IDE: variants seen among roughly 807,000 people sequenced by gnomAD.
IDE encodes insulin-degrading enzyme.
IDE carries 58 observed loss-of-function variants against 133.2 expected under a neutral mutation model. That is an observed-to-expected ratio of 0.44 (90% CI 0.35 to 0.54). The LOEUF is 0.54. Among genes scored for constraint, IDE ranks in the 20% least tolerant of loss-of-function variants. IDE has a pLI of 0.00. For missense variants in IDE, 981 were observed against 1,234.0 expected (o/e 0.79, Z 3.07); for synonymous variants, 396 against 421.3 (o/e 0.94, Z 0.73).
intron 14 of IDE, among the ~76,000 whole-genome samples, chr10:92,480,162 CCT>C: frequency 6.6e-6 from 1 of 152,210 alleles, no homozygotes; most frequent in East Asian, 1.9e-4. Flanking sequence ...CTTCAGGTCC[CCT>C]GAGTTCGTGG....
chr10:92,566,405 T>TCACA (rs1377015950), intron 1 of IDE, among the ~76,000 whole-genome samples: 1 of 143,196 alleles, frequency 7.0e-6, no homozygotes, highest in African/African-American at 2.7e-5. Flanking sequence ...TCTCTCTCTC[T>TCACA]CTCTCTCTCA....
chr10:92,503,938 G>A (rs1016461947), intron 11 of IDE, among the ~76,000 whole-genome samples: 4 of 151,862 alleles, frequency 2.6e-5, no homozygotes, highest in Non-Finnish European at 4.4e-5. Flanking sequence ...GGCTGGTCTC[G>A]AACTCCCGAC....
At chr10:92,539,601 T>A (rs1350605693) in intron 1 of IDE, among the ~76,000 whole-genome samples, 1 of 151,792 alleles carries the variant, frequency 6.6e-6, no homozygotes, top group Non-Finnish European at 1.5e-5. Context: ...CTGTCTCTAC[T>A]AAAAATACAA....
intron 1 of IDE, among the ~76,000 whole-genome samples, chr10:92,545,706 G>C (rs535743977): frequency 6.6e-6 from 1 of 152,156 alleles, no homozygotes; most frequent in Non-Finnish European, 1.5e-5. Context: ...AGTCCCAGGA[G>C]GTCCCAAATT....
Position 92,507,611 on chromosome 10 carries a change from T to C in IDE, c.1209A>G (p.Ala403=). ...HMFQYIQKLR[A]EGPQEWVFQE... is the part of the protein sequence containing the mutation. ...GGAAAACCCATTCTTGAGGTCCTTCTGCACGTAACTTCTGAATGTATTGAA... is the reference window on the plus strand; with the variant it reads ...GGAAAACCCATTCTTGAGGTCCTTCCGCACGTAACTTCTGAATGTATTGAA... The change falls in exon 9 of 25, where the codon GCA becomes GCG. Residue 403 remains alanine (A), a synonymous_variant. Transcript: ENST00000265986. The C allele has an allele frequency of 3.1e-6, 5 of 1,610,102 alleles. No individual in the cohort carries two copies. Among genetic ancestry groups the C allele is most frequent in the Non-Finnish European group, 4.3e-6 (5 of 1,176,318 alleles).
At chr10:92,557,891 A>AC (rs1843089873) in intron 1 of IDE, among the ~76,000 whole-genome samples, 1 of 151,692 alleles carries the variant, frequency 6.6e-6, no homozygotes. Context: ...AAAAAAAAAA[A>AC]AAGGATGCAA....
At chr10:92,529,220 T>C (rs1255746685) in intron 4 of IDE, among the ~76,000 whole-genome samples, 1 of 152,232 alleles carries the variant, frequency 6.6e-6, no homozygotes, top group African/African-American at 2.4e-5. Flanking sequence ...ACGATCACTT[T>C]TGCAAAGTTT....
rs1378546392 is a variant in IDE, at chr10:92,475,932, C to T, written c.1947G>A (p.Met649Ile). ...PILLKKIIEK[M>I]ATFEIDEKRF... ...TTTTTTCATCAATCTCAAAGGTAGC[C>T]ATTTTCTCAATAATCTTCTTTAGTA... The change falls in exon 16 of 25, where the codon ATG becomes ATA. Residue 649 changes from methionine to isoleucine, a missense_variant. Physicochemically the swap from Met to Ile is conservative, Grantham distance 10. This residue lies in a region of IDE where 660 missense variants were observed against 894.7 expected (regional missense o/e 0.74). Transcript: ENST00000265986. 1.3e-6 allele frequency: 2 copies of T among 1,548,296 alleles called. No individual in the cohort carries two copies. Among genetic ancestry groups the T allele is most frequent in the Non-Finnish European group, 1.8e-6 (2 of 1,132,634 alleles).
intron 1 of IDE, among the ~76,000 whole-genome samples, chr10:92,545,917 C>T (rs1365585182): frequency 6.6e-6 from 1 of 152,160 alleles, no homozygotes; most frequent in Admixed American, 6.6e-5. Flanking sequence ...TATGACCTAA[C>T]AATGCTAGTA....
At chr10:92,484,028 C>G (rs1846789686) in intron 13 of IDE, among the ~76,000 whole-genome samples, 1 of 152,136 alleles carries the variant, frequency 6.6e-6, no homozygotes. Flanking sequence ...ATGACTGAAA[C>G]CTTGGCCAAC....
chr10:92,527,707 C>A (rs1483488863), intron 4 of IDE, among the ~76,000 whole-genome samples: 3 of 152,026 alleles, frequency 2.0e-5, no homozygotes, highest in African/African-American at 7.3e-5. Flanking sequence ...CAGCATTTTC[C>A]TGTAATTGAT....
chr10:92,470,677 A>T (rs902718128), intron 17 of IDE, among the ~76,000 whole-genome samples: 1 of 151,966 alleles, frequency 6.6e-6, no homozygotes, highest in South Asian at 2.1e-4. Context: ...CAGTCCTTCC[A>T]TATATTTCAT....
At chr10:92,567,243 C>G (rs1270192878) in intron 1 of IDE, among the ~76,000 whole-genome samples, 1 of 152,156 alleles carries the variant, frequency 6.6e-6, no homozygotes, top group Non-Finnish European at 1.5e-5. Flanking sequence ...GGACAAACAT[C>G]TCACCTAGCT....
chr10:92,479,459 T>C, intron 14 of IDE, 38 bp from the exon 15 acceptor site: 1 of 1,541,150 alleles, frequency 6.5e-7, no homozygotes, highest in Non-Finnish European at 8.9e-7. Context: ...GCTGATTTTA[T>C]TACTTCTCAA....
intron 4 of IDE, among the ~76,000 whole-genome samples, chr10:92,525,717 C>A: frequency 7.4e-6 from 1 of 135,920 alleles, no homozygotes; most frequent in Non-Finnish European, 1.5e-5. Context: ...ATATCAAAAT[C>A]AGTAGCATTT....
rs755907583 is a variant in IDE, at chr10:92,465,696, A to G, written c.2468T>C (p.Leu823Pro). The G allele has an allele frequency of 6.2e-7, 1 of 1,613,402 alleles. No homozygotes were observed. The highest frequency in any genetic ancestry group is 1.1e-5 in the South Asian group (1 of 91,058). ...CTCACCCAACTGCTCCTTGGTGCGC[A>G]GGGTGTTGAAGCAAGGTTCCGAGAT... ...QIISEPCFNT[L>P]RTKEQLGYIV... Residue 823 changes from leucine to proline, a missense_variant, in exon 20 of 25, where the codon CTG (leucine) becomes CCG (proline). By Grantham distance (98) the Leu-to-Pro change is moderately conservative. Around this residue, in one of 2 missense-constraint regions of IDE, gnomAD observed 660 missense variants for 894.7 expected, o/e 0.74. Coordinates refer to ENST00000265986, the MANE Select transcript of IDE (RefSeq NM_004969.4).
At chr10:92,571,201 A>G (rs1843771561) in intron 1 of IDE, among the ~76,000 whole-genome samples, 1 of 151,934 alleles carries the variant, frequency 6.6e-6, no homozygotes, top group Non-Finnish European at 1.5e-5. Flanking sequence ...TTTAGTAGAG[A>G]TGGGGTTTCA....
At chr10:92,516,592 C>A (rs1468559052) in intron 4 of IDE, among the ~76,000 whole-genome samples, 4 of 152,160 alleles carry the variant, frequency 2.6e-5, no homozygotes, top group East Asian at 1.9e-4. Flanking sequence ...ATCCACATGG[C>A]CTCCATTCAT....
intron 4 of IDE, among the ~76,000 whole-genome samples, chr10:92,518,404 A>C (rs1246948453): frequency 6.6e-6 from 1 of 152,214 alleles, no homozygotes; most frequent in Non-Finnish European, 1.5e-5. Flanking sequence ...AAAAAGTATA[A>C]GACTATTACT....
Sources: allele counts gnomAD v4.1 joint callset (sites outside exome capture counted in the v4.1 genomes callset), GRCh38; gene constraint gnomAD v4.1.1; regional missense constraint gnomAD v4.1.1; transcripts MANE v1.5; gene names NCBI Gene and HGNC (gene_info 2026-07-23, HGNC 2026-07-21).